ZBTB7C: variants seen among roughly 807,000 people sequenced by gnomAD.
The protein encoded by ZBTB7C is zinc finger and BTB domain containing 7C.
A neutral mutation model predicts 25.7 loss-of-function variants in ZBTB7C; 8 were observed. The ratio of observed to expected loss-of-function variants is 0.31; its 90% CI spans 0.18 to 0.56. The LOEUF is 0.56. ZBTB7C is among the 20% of genes least tolerant of loss of function. The pLI, the probability that ZBTB7C is intolerant of heterozygous loss-of-function variation, is 0.91. For missense variants in ZBTB7C, 824 were observed against 855.2 expected, an observed-to-expected ratio of 0.96 and a Z score of 0.46; for synonymous variants, 394 against 369.0, an observed-to-expected ratio of 1.07 and a Z score of -0.78.
At chr18:48,141,574 A>G (rs1415045561) in intron 3 of ZBTB7C, among the ~76,000 whole-genome samples, 2 of 151,710 alleles carry the variant, frequency 1.3e-5, no homozygotes, top group African/African-American at 2.4e-5. Context: ...CGGGGGGGAA[A>G]GTAACCCATA....
chr18:48,385,694 C>T (rs2047731316), intron 1 of ZBTB7C, among the ~76,000 whole-genome samples: 1 of 152,218 alleles, frequency 6.6e-6, no homozygotes, highest in Non-Finnish European at 1.5e-5. Flanking sequence ...CAAAAGGCCC[C>T]TTTAACCTTT....
At chr18:48,051,170 G>T (rs1313642904) in intron 3 of ZBTB7C, among the ~76,000 whole-genome samples, 2 of 152,170 alleles carry the variant, frequency 1.3e-5, no homozygotes, top group Non-Finnish European at 1.5e-5. Flanking sequence ...TCAGAACAAG[G>T]TCTAAGATCC....
chr18:48,405,471 G>A (rs2048258756), intron 1 of ZBTB7C, among the ~76,000 whole-genome samples: 1 of 152,228 alleles, frequency 6.6e-6, no homozygotes, highest in African/African-American at 2.4e-5. Context: ...GAGTTCTTGA[G>A]TTCTGTCCTG....
intron 1 of ZBTB7C, among the ~76,000 whole-genome samples, chr18:48,342,322 T>C (rs2144980040): frequency 6.6e-6 from 1 of 152,362 alleles, no homozygotes; most frequent in East Asian, 1.9e-4. Context: ...AACGTCTGGC[T>C]GGAGACATTT....
At chr18:48,221,327 T>TC (rs1395922762) in intron 2 of ZBTB7C, among the ~76,000 whole-genome samples, 1 of 147,512 alleles carries the variant, frequency 6.8e-6, no homozygotes, top group Non-Finnish European at 1.5e-5. Flanking sequence ...TGTCCTAGTC[T>TC]CCTCTATGCT....
At chr18:48,368,016 A>C (rs895057759) in intron 1 of ZBTB7C, among the ~76,000 whole-genome samples, 1 of 152,052 alleles carries the variant, frequency 6.6e-6, no homozygotes, top group East Asian at 1.9e-4. Context: ...ACACAGCCTC[A>C]AAACACAATA....
In ZBTB7C at chr18:48,306,934, C is replaced by A. The variant is rs1053874963; in HGVS notation, c.-79+31240G>T. ...GAGGCACACAGTGTAAAAATGTTAG[C>A]CAGTGTTCCACGGAGCAGGCCCGGC... is the stretch of plus-strand genomic sequence containing the variant. On this transcript the variant is annotated intron_variant, in intron 2 of 4. Coordinates refer to ENST00000590800, the MANE Select transcript of ZBTB7C (RefSeq NM_001318841.2). Among the ~76,000 whole-genome samples the A allele has an allele frequency of 3.3e-5, 5 of 152,150 alleles. No homozygotes were observed. In the South Asian group the frequency reaches 1.0e-3, roughly 32 times the overall value.
upstream of ZBTB7C, among the ~76,000 whole-genome samples, chr18:48,409,905 C>G (rs116597257): frequency 0.021 from 3,254 of 152,234 alleles, 121 homozygotes; most frequent in African/African-American, 0.075. Flanking sequence ...CTCTGCGGCC[C>G]GGCCGGACCC....
chr18:48,143,336 G>A (rs2040406462), intron 3 of ZBTB7C, among the ~76,000 whole-genome samples: 1 of 152,092 alleles, frequency 6.6e-6, no homozygotes, highest in East Asian at 1.9e-4. Context: ...CCAAAGCAGG[G>A]GAAAGATTTA....
intron 3 of ZBTB7C, among the ~76,000 whole-genome samples, chr18:48,094,589 T>C (rs552750524): frequency 4.6e-4 from 70 of 152,254 alleles, no homozygotes; most frequent in African/African-American, 1.6e-3. Flanking sequence ...ACCTTGGAAG[T>C]AGTTTAAAAA....
chr18:48,079,083 T>C (rs1435327396), intron 3 of ZBTB7C, among the ~76,000 whole-genome samples: 2 of 152,242 alleles, frequency 1.3e-5, no homozygotes, highest in Non-Finnish European at 2.9e-5. Context: ...TGGATTGCTG[T>C]GAGGAATTAT....
At chr18:48,064,755 G>T (rs2037259299) in intron 3 of ZBTB7C, among the ~76,000 whole-genome samples, 1 of 152,036 alleles carries the variant, frequency 6.6e-6, no homozygotes, top group South Asian at 2.1e-4. Flanking sequence ...AATAAAAAAA[G>T]AAAAATGGCA....
At chr18:48,039,865 C>T (rs767455870) in intron 4 of ZBTB7C, 35 bp downstream of exon 4, 1 of 1,601,054 alleles carries the variant, frequency 6.2e-7, no homozygotes, top group Non-Finnish European at 8.5e-7. Flanking sequence ...TGGCCTCTGG[C>T]CCCGTGCCCC....
chr18:48,295,810 T>C (rs1339572603), intron 2 of ZBTB7C, among the ~76,000 whole-genome samples: 2 of 151,812 alleles, frequency 1.3e-5, no homozygotes, highest in Non-Finnish European at 2.9e-5. Flanking sequence ...TCCTCCTCCC[T>C]CAGCCCAGCA....
chr18:48,288,890 T>C lies in ZBTB7C; in HGVS notation c.-79+49284A>G, dbSNP rs368918048. Reference sequence around the variant, plus strand: ...TGGTACTTTGTTACAGCAGCCTGAATAGACTAAGACAAAGATCAGTATAAA... The same window carrying C: ...TGGTACTTTGTTACAGCAGCCTGAACAGACTAAGACAAAGATCAGTATAAA... On this transcript the variant is annotated intron_variant, in intron 2 of 4. Transcript: ENST00000590800. 9.8e-5 allele frequency among the ~76,000 whole-genome samples: 15 copies of C among 152,288 alleles called. No individual in the cohort carries two copies. In the East Asian group the frequency reaches 1.7e-3, roughly 18 times the overall value.
intron 3 of ZBTB7C, among the ~76,000 whole-genome samples, chr18:48,080,420 C>T (rs527366744): frequency 1.1e-3 from 160 of 152,276 alleles, no homozygotes; most frequent in African/African-American, 3.8e-3. Context: ...TGTATTGACT[C>T]TCATTAAGGC....
intron 2 of ZBTB7C, among the ~76,000 whole-genome samples, chr18:48,236,533 A>G (rs911059068): frequency 6.6e-6 from 1 of 152,242 alleles, no homozygotes; most frequent in Non-Finnish European, 1.5e-5. Context: ...CTGGAGGAAG[A>G]CTTCATAGAA....
At chr18:48,195,200 A>G (rs2042289470) in intron 2 of ZBTB7C, among the ~76,000 whole-genome samples, 1 of 152,042 alleles carries the variant, frequency 6.6e-6, no homozygotes, top group Non-Finnish European at 1.5e-5. Context: ...GTCTTTTTCT[A>G]TTTTTTGGTA....
chr18:48,399,303 C>T (rs1342927125), intron 1 of ZBTB7C, among the ~76,000 whole-genome samples: 1 of 152,200 alleles, frequency 6.6e-6, no homozygotes, highest in East Asian at 1.9e-4. Flanking sequence ...CACTTTAAAA[C>T]CCCTTTTGTA....
Sources: gnomAD v4.1 joint callset for allele counts (sites outside exome capture counted in the v4.1 genomes callset) on GRCh38, gnomAD v4.1.1 for gene constraint, MANE v1.5 for transcripts, NCBI Gene and HGNC (gene_info 2026-07-23, HGNC 2026-07-21) for gene names.